Variants in ALDH2 observed in about 807,000 individuals in gnomAD.
ALDH2 encodes aldehyde dehydrogenase, mitochondrial.
ALDH2 carries 44 observed loss-of-function variants against 59.6 expected under a neutral mutation model. That is an observed-to-expected ratio of 0.74 (90% confidence interval 0.58 to 0.95). The LOEUF is 0.95. Among genes scored for constraint, ALDH2 ranks in the 40% least tolerant of loss-of-function variants. The pLI, the probability that ALDH2 is intolerant of heterozygous loss-of-function variation, is 0.00. For missense variants in ALDH2, 570 were observed against 696.3 expected, an observed-to-expected ratio of 0.82 and a Z score of 2.04; for synonymous variants, 291 against 284.0, an observed-to-expected ratio of 1.02 and a Z score of -0.25.
Position 111,811,167 on chromosome 12 carries a change from TCTCTA to T in ALDH2, c.*1595_*1599del, listed in dbSNP as rs2068532452. ...GCCTGACCAACAGGGAGAAACCCCA[TCTCTA>T]CTGAAAATACAAAAAAAAAAAAAAA... On this transcript the variant is annotated 3_prime_UTR_variant, in exon 13 of 13. Transcript: ENST00000261733. 1 of 144,912 alleles carries T rather than the reference TCTCTA, an allele frequency of 6.9e-6. No individual in the cohort carries two copies. Among genetic ancestry groups the T allele is most frequent in the South Asian group, 2.2e-4 (1 of 4,544 alleles). 9.0% of individuals were successfully genotyped at this position (144,912 alleles called of 1,614,324 possible).
At chr12:111,792,195 G>GA (rs1393764415) in intron 8 of ALDH2, 32 bp downstream of exon 8, 2 of 1,529,764 alleles carry the variant, frequency 1.3e-6, no homozygotes, top group Non-Finnish European at 1.8e-6. Flanking sequence ...GCCTGGCCTT[G>GA]AAGGTAGCCC....
intron 4 of ALDH2, among the ~76,000 whole-genome samples, chr12:111,785,680 C>T (rs1051300210): frequency 7.2e-5 from 11 of 152,096 alleles, no homozygotes; most frequent in East Asian, 1.9e-4. Flanking sequence ...GCCAAGATCA[C>T]GCCACTGCAC....
At chr12:111,787,579 G>A (rs1047066168) in intron 4 of ALDH2, among the ~76,000 whole-genome samples, 27 of 152,174 alleles carry the variant, frequency 1.8e-4, no homozygotes, top group Non-Finnish European at 3.8e-4. Context: ...AGGAAGCAGT[G>A]CCAGAAGAGT....
chr12:111,815,537 G>A lies in ALDH2; in HGVS notation c.*5962G>A, dbSNP rs537326722. 3.2e-4 allele frequency: 49 copies of A among 152,204 alleles called. No homozygotes were observed. Among genetic ancestry groups the A allele is most frequent in the African/African-American group, 1.2e-3 (48 of 41,536 alleles). The allele number at this position is 152,204 out of a possible 1,614,324, so 9.4% of individuals were successfully genotyped here. ...GCCTGGCGATATGGCTTACTTATGA[G>A]ACAGCACCTGACCTACAGCCATCTA... On this transcript the variant is annotated 3_prime_UTR_variant, in exon 13 of 13. Transcript: ENST00000261733.
Position 111,791,383 on chromosome 12 carries a change from G to T in ALDH2, c.759G>T (p.Glu253Asp). ...PTAGAAIASHEDVDKVAFTGS... is the reference protein window; with the variant it reads ...PTAGAAIASHDDVDKVAFTGS... ...CTGGGGCCGCCATTGCCTCCCATGA[G>T]GATGTGGACAAAGTGGCATTCACAG... Residue 253 changes from glutamate (E) to aspartate (D), a missense_variant, in exon 7 of 13, where the codon GAG becomes GAT. Physicochemically the swap from Glu to Asp is conservative, Grantham distance 45 (BLOSUM62 2). Coordinates refer to ENST00000261733, the MANE Select transcript of ALDH2 (RefSeq NM_000690.4). The T allele has an allele frequency of 6.2e-7, 1 of 1,614,098 alleles. No individual in the cohort carries two copies. Among genetic ancestry groups the T allele is most frequent in the Non-Finnish European group, 8.5e-7 (1 of 1,179,974 alleles).
intron 5 of ALDH2, among the ~76,000 whole-genome samples, 164 bp downstream of exon 5, chr12:111,790,098 C>T (rs1394241168): frequency 6.6e-6 from 1 of 152,132 alleles, no homozygotes; most frequent in Non-Finnish European, 1.5e-5. Flanking sequence ...CACTGCCACT[C>T]GTGAATTCTG....
intron 1 of ALDH2, among the ~76,000 whole-genome samples, chr12:111,770,821 A>G (rs1485612486): frequency 6.6e-6 from 1 of 151,810 alleles, no homozygotes; most frequent in African/African-American, 2.4e-5. Context: ...ATTTTTTTGT[A>G]TTCTTAGTAG....
intron 1 of ALDH2, among the ~76,000 whole-genome samples, chr12:111,773,034 G>A (rs1029447794): frequency 5.9e-5 from 9 of 151,558 alleles, no homozygotes; most frequent in South Asian, 2.1e-4. Context: ...CGAGGCAGGC[G>A]GATCACCTCA....
intron 1 of ALDH2, among the ~76,000 whole-genome samples, chr12:111,767,891 C>T (rs1330450302): frequency 1.3e-5 from 2 of 152,186 alleles, no homozygotes; most frequent in South Asian, 2.1e-4. Context: ...CCTTCTCTGA[C>T]TTAAGCTTTT....
At chr12:111,771,893 G>A (rs1419826380) in intron 1 of ALDH2, among the ~76,000 whole-genome samples, 1 of 152,020 alleles carries the variant, frequency 6.6e-6, no homozygotes, top group Non-Finnish European at 1.5e-5. Flanking sequence ...GAGCACAGGA[G>A]TTCGAGACCA....
Position 111,783,267 on chromosome 12 carries a change from A to G in ALDH2, c.329A>G (p.Asp110Gly). Reference sequence around the variant, plus strand: ...GGCCGGCTGCTGAACCGCCTGGCCGATCTGATCGAGCGGGACCGGACCTAC... The same window carrying G: ...GGCCGGCTGCTGAACCGCCTGGCCGGTCTGATCGAGCGGGACCGGACCTAC... Reference protein sequence around the residue: ...HRGRLLNRLADLIERDRTYLA... With the variant: ...HRGRLLNRLAGLIERDRTYLA... The change falls in exon 3 of 13, where the codon GAT (aspartate) becomes GGT (glycine). Residue 110 changes from aspartate (D) to glycine (G), a missense_variant. Physicochemically the swap from Asp to Gly is moderately conservative, Grantham distance 94. Transcript: ENST00000261733. 4.3e-6 allele frequency: 7 copies of G among 1,612,598 alleles called. No individual in the cohort carries two copies. Among genetic ancestry groups the G allele is most frequent in the Non-Finnish European group, 5.9e-6 (7 of 1,179,238 alleles).
At chr12:111,796,926 G>A (rs997727997) in intron 9 of ALDH2, among the ~76,000 whole-genome samples, 3 of 326 alleles carry the variant, frequency 9.2e-3, no homozygotes, top group East Asian at 0.071. Context: ...ACCCTATAAA[G>A]GAGTATATAA....
intron 1 of ALDH2, among the ~76,000 whole-genome samples, chr12:111,779,355 A>C (rs2068255287): frequency 6.6e-6 from 1 of 151,182 alleles, no homozygotes; most frequent in Non-Finnish European, 1.5e-5. Flanking sequence ...ACACTTGGCT[A>C]ATTTTTCATT....
rs1064903 is a variant in ALDH2 at position 111,767,021 on chromosome 12, C to T, written c.39C>T (p.Gly13=). Residue 13 remains glycine, a synonymous_variant, in exon 1 of 13, where the codon GGC becomes GGT. Transcript: ENST00000261733. ...RAAARFGPRL[G]RRLLSAAATQ... is the part of the protein sequence containing the mutation. ...CCGCCCGCTTCGGGCCCCGCCTGGG[C>T]CGCCGCCTCTTGTCAGCCGCCGCCA... 3.3e-6 allele frequency: 5 copies of T among 1,524,802 alleles called. No homozygotes were observed. Among genetic ancestry groups the T allele is most frequent in the African/African-American group, 1.4e-5 (1 of 70,664 alleles). The allele number at this position is 1,524,802 out of a possible 1,614,324, so 94.5% of individuals were successfully genotyped here.
intron 9 of ALDH2, among the ~76,000 whole-genome samples, chr12:111,796,964 CTTTTTTTT>C (rs554909623): frequency 1.4e-5 from 2 of 139,144 alleles, no homozygotes; most frequent in Non-Finnish European, 3.1e-5. Flanking sequence ...AGCTTTACTT[CTTTTTTTT>C]TTTTTTTTTG....
At chr12:111,771,510 G>A (rs1244846487) in intron 1 of ALDH2, among the ~76,000 whole-genome samples, 1 of 152,218 alleles carries the variant, frequency 6.6e-6, no homozygotes, top group Admixed American at 6.5e-5. Flanking sequence ...GTTATAGGAG[G>A]AAATAATCCT....
intron 12 of ALDH2, among the ~76,000 whole-genome samples, chr12:111,805,346 C>A (rs1422094196): frequency 6.6e-6 from 1 of 152,046 alleles, no homozygotes; most frequent in Non-Finnish European, 1.5e-5. Flanking sequence ...GTTGAGCAGG[C>A]CTTTCCAGGA....
chr12:111,800,145 C>A, intron 11 of ALDH2, 82 bp downstream of exon 11: 1 of 1,464,702 alleles, frequency 6.8e-7, no homozygotes, highest in East Asian at 2.5e-5. Flanking sequence ...GGTCACCATC[C>A]TGGAATTTGG....
Position 111,766,982 on chromosome 12 carries a change from G to T in ALDH2, c.-1G>T. 6.6e-7 allele frequency: 1 copy of T among 1,521,470 alleles called. No individual in the cohort carries two copies. 94.2% of individuals were successfully genotyped at this position (1,521,470 alleles called of 1,614,324 possible). ...CGCTCGCTGTCCGCTAGCCCGCTGC[G>T]ATGTTGCGCGCTGCCGCCCGCTTCG... On this transcript the variant is annotated 5_prime_UTR_variant, in exon 1 of 13. Transcript: ENST00000261733.
Sources: gnomAD v4.1 joint callset for allele counts (sites outside exome capture counted in the v4.1 genomes callset) on GRCh38, gnomAD v4.1.1 for gene constraint, MANE v1.5 for transcripts, NCBI Gene and HGNC (gene_info 2026-07-23, HGNC 2026-07-21) for gene names.